The following GARNL3 variants were observed in gnomAD, a reference collection of about 807,000 sequenced individuals.
GARNL3 encodes GTPase-activating Rap/Ran-GAP domain-like protein 3.
GARNL3 carries 63 observed loss-of-function variants against 125.0 expected under a neutral mutation model. The observed-to-expected ratio is 0.50, with a 90% CI of 0.41 to 0.62. GARNL3 has a LOEUF of 0.62. Ranked by LOEUF, GARNL3 falls within the 20% of genes least tolerant of loss-of-function variation. GARNL3 has a pLI of 0.00. For synonymous variants in GARNL3, 439 were observed against 457.5 expected, an observed-to-expected ratio of 0.96 and a Z score of 0.52; for missense variants, 994 against 1,244.0, an observed-to-expected ratio of 0.80 and a Z score of 3.02.
At chr9:127,226,050 C>CT (rs1395306267) in intron 1 of GARNL3, among the ~76,000 whole-genome samples, 1 of 152,224 alleles carries the variant, frequency 6.6e-6, no homozygotes, top group Admixed American at 6.5e-5. Flanking sequence ...GGAGATGACT[C>CT]CAACGTCCTC....
At chr9:127,255,943 G>A (rs1373400627) in intron 2 of GARNL3, among the ~76,000 whole-genome samples, 1 of 152,204 alleles carries the variant, frequency 6.6e-6, no homozygotes, top group Non-Finnish European at 1.5e-5. Flanking sequence ...TCTGGGCACA[G>A]CTGGGGGCAG....
At chr9:127,315,756 C>T (rs2065224489) in intron 4 of GARNL3, among the ~76,000 whole-genome samples, 1 of 151,836 alleles carries the variant, frequency 6.6e-6, no homozygotes, top group African/African-American at 2.4e-5. Context: ...AAATGGCTCA[C>T]ACAAATAAAA....
chr9:127,258,851 T>C (rs1268364134), upstream of GARNL3, among the ~76,000 whole-genome samples: 1 of 152,194 alleles, frequency 6.6e-6, no homozygotes, highest in Non-Finnish European at 1.5e-5. Context: ...ATCCCTTCCA[T>C]CTGTTTCTTA....
At chr9:127,233,978 T>G (rs2063066867) in intron 1 of GARNL3, among the ~76,000 whole-genome samples, 1 of 152,230 alleles carries the variant, frequency 6.6e-6, no homozygotes, top group Admixed American at 6.5e-5. Flanking sequence ...TTCACAGTCT[T>G]CATTCCTCTG....
intron 23 of GARNL3, among the ~76,000 whole-genome samples, 184 bp downstream of exon 23, chr9:127,383,729 G>A (rs563761842): frequency 3.0e-4 from 46 of 152,070 alleles, no homozygotes; most frequent in African/African-American, 1.1e-3. Context: ...TGGGACTATC[G>A]TCTTCTACTG....
In GARNL3 at chr9:127,266,706, C is replaced by T. The variant is rs2063713698; in HGVS notation, c.144+1685C>T. ...ACATAAAGTACTTAGCACATAAGCA[C>T]AGTTTATGTTAACCAGCTGCAGTCA... On this transcript the variant is annotated intron_variant, in intron 1 of 27. Transcript: ENST00000373387. This position sits in a 1 kb window ranked among gnomAD's most constrained non-coding sequence, Gnocchi z 4.0. Among the ~76,000 whole-genome samples the T allele has an allele frequency of 6.6e-6, 1 of 152,200 alleles. No individual in the cohort carries two copies. Among genetic ancestry groups the T allele is most frequent in the Non-Finnish European group, 1.5e-5 (1 of 68,036 alleles).
chr9:127,334,896 T>A (rs1223365954), intron 9 of GARNL3, among the ~76,000 whole-genome samples: 1 of 152,230 alleles, frequency 6.6e-6, no homozygotes. Context: ...ACATAATTGT[T>A]TGTGTCATCT....
At chr9:127,264,157 CAT>C (rs765829991), upstream of GARNL3, 129 of 509,726 alleles carry the variant, frequency 2.5e-4, 1 homozygote, top group East Asian at 2.7e-3. Flanking sequence ...TTGTGGATCT[CAT>C]GTGGTTTCAT....
intron 1 of GARNL3, among the ~76,000 whole-genome samples, chr9:127,271,563 G>A (rs546156844): frequency 1.3e-5 from 2 of 150,520 alleles, no homozygotes; most frequent in Admixed American, 1.3e-4. Context: ...TCTCATGGCA[G>A]CATTCTAGGC....
chr9:127,390,647 C>T lies in GARNL3; in HGVS notation c.2750C>T (p.Ser917Leu), dbSNP rs145447211. Residue 917 changes from serine to leucine, a missense_variant, in exon 27 of 28, where the codon TCG (serine) becomes TTG (leucine). Around this residue, in one of 5 missense-constraint regions of GARNL3, gnomAD observed 728 missense variants for 865.7 expected, o/e 0.84. Transcript: ENST00000373387. ...SRTRRELLGL[S>L]DEGGPKSEGA... Reference sequence around the variant, plus strand: ...CCTATGATTCTCAATCCAGGCCTCTCGGATGAAGGTGGACCCAAGTCAGAA... The same window carrying T: ...CCTATGATTCTCAATCCAGGCCTCTTGGATGAAGGTGGACCCAAGTCAGAA... The T allele has an allele frequency of 7.4e-5, 120 of 1,613,772 alleles. No individual in the cohort carries two copies. The African/African-American group carries it at 1.4e-3, about 19-fold the overall frequency.
intron 21 of GARNL3, chr9:127,363,868 G>T (rs546555710): frequency 6.6e-6 from 1 of 152,244 alleles, no homozygotes; most frequent in Non-Finnish European, 1.5e-5. Context: ...AAAGCCAATA[G>T]CCTTCACTGA....
intron 2 of GARNL3, among the ~76,000 whole-genome samples, chr9:127,309,788 T>A (rs1407312392): frequency 6.6e-6 from 1 of 152,194 alleles, no homozygotes; most frequent in Non-Finnish European, 1.5e-5. Context: ...GAGAAAAGCC[T>A]CTTTGTAAAC....
In GARNL3 at chr9:127,385,152, A is replaced by G; in HGVS notation, c.2388+7A>G. Reference sequence around the variant, plus strand: ...GCAGCTGGTGGCCTCCAGGGTGAGTAGGACTGGGATTTTATCTCTGAGTGG... The same window carrying G: ...GCAGCTGGTGGCCTCCAGGGTGAGTGGGACTGGGATTTTATCTCTGAGTGG... On this transcript the variant is annotated splice_region_variant and intron_variant, in intron 24 of 27. Coordinates refer to ENST00000373387, the MANE Select transcript of GARNL3 (RefSeq NM_032293.5). The surrounding 1 kb of genome is among the most constrained non-coding windows in gnomAD (Gnocchi z 4.1). The G allele has an allele frequency of 1.3e-6, 2 of 1,573,572 alleles. No homozygotes were observed. Among genetic ancestry groups the G allele is most frequent in the Non-Finnish European group, 1.7e-6 (2 of 1,150,852 alleles).
intron 7 of GARNL3, among the ~76,000 whole-genome samples, chr9:127,331,022 A>C (rs973573727): frequency 6.6e-6 from 1 of 152,078 alleles, no homozygotes; most frequent in African/African-American, 2.4e-5. Context: ...GTGTGCTTTA[A>C]ATATCTTTGT....
Position 127,384,628 on chromosome 9 carries a change from C to T in GARNL3, c.2270-399C>T, listed in dbSNP as rs571705348. On this transcript the variant is annotated intron_variant, in intron 23 of 27. Coordinates refer to ENST00000373387, the MANE Select transcript of GARNL3 (RefSeq NM_032293.5). The surrounding 1 kb of genome is among the most constrained non-coding windows in gnomAD (Gnocchi z 4.0). ...GACACCAGGGCTGGGCCTTGAAGAGCGACCAAAGGGAAGGGTCCCAGGCAG... is the reference window on the plus strand; with the variant it reads ...GACACCAGGGCTGGGCCTTGAAGAGTGACCAAAGGGAAGGGTCCCAGGCAG... Among the ~76,000 whole-genome samples the T allele has an allele frequency of 2.7e-4, 41 of 152,266 alleles. No homozygotes were observed. Among genetic ancestry groups the T allele is most frequent in the African/African-American group, 9.4e-4 (39 of 41,560 alleles).
intron 22 of GARNL3, among the ~76,000 whole-genome samples, chr9:127,367,596 G>A (rs1831354017): frequency 1.3e-5 from 2 of 152,090 alleles, no homozygotes; most frequent in South Asian, 4.2e-4. Context: ...TTTATTACCA[G>A]AATCTGTCTT....
Position 127,291,154 on chromosome 9 carries a change from T to C in GARNL3, c.145-14T>C, listed in dbSNP as rs767202120. 3 of 1,610,664 alleles carry C rather than the reference T, an allele frequency of 1.9e-6. No homozygotes were observed. In the South Asian group the frequency reaches 3.3e-5, roughly 18 times the overall value. The stretch of plus-strand genomic sequence containing the variant: ...TTGTAAATGCTTCCTAATTGAATGC[T>C]TTTTCCCCCCTAGCTTATTTCCAGT... On this transcript the variant is annotated splice_polypyrimidine_tract_variant and intron_variant, in intron 1 of 27. Transcript: ENST00000373387.
At chr9:127,278,633 T>C (rs2064020052) in intron 1 of GARNL3, among the ~76,000 whole-genome samples, 1 of 152,248 alleles carries the variant, frequency 6.6e-6, no homozygotes, top group African/African-American at 2.4e-5. Context: ...TGATCTGTTA[T>C]CGTGTTAGTT....
chr9:127,378,668 AG>A (rs1832074822), intron 22 of GARNL3, among the ~76,000 whole-genome samples: 1 of 152,204 alleles, frequency 6.6e-6, no homozygotes, highest in Admixed American at 6.5e-5. Context: ...AATTTACAAA[AG>A]AAAGAAATCC....
Sources: gnomAD v4.1 joint callset for allele counts (sites outside exome capture counted in the v4.1 genomes callset) on GRCh38, gnomAD v4.1.1 for gene constraint, gnomAD v4.1.1 regional missense constraint, Gnocchi (gnomAD v3.1) non-coding constraint, MANE v1.5 for transcripts, NCBI Gene and HGNC (gene_info 2026-07-23, HGNC 2026-07-21) for gene names.